Variants in UGGT2 observed in about 807,000 individuals in gnomAD.
UGGT2 encodes the protein UDP-glucose:glycoprotein glucosyltransferase 2.
In UGGT2, 180 loss-of-function variants were observed where a neutral mutation model predicts 192.1. The observed-to-expected ratio is 0.94, with a 90% confidence interval of 0.83 to 1.06. UGGT2 has a LOEUF of 1.06. Ranked by LOEUF, UGGT2 falls within the 50% of genes least tolerant of loss-of-function variation. The pLI, the probability that UGGT2 is intolerant of heterozygous loss-of-function variation, is 0.00. For missense variants in UGGT2, 1,849 were observed against 1,795.7 expected (o/e 1.03, Z -0.54); for synonymous variants, 580 against 591.0 (o/e 0.98, Z 0.27).
chr13:95,996,131 C>A lies in UGGT2; in HGVS notation c.762G>T (p.Val254=). 1 of 1,609,324 alleles carries A rather than the reference C, an allele frequency of 6.2e-7. No homozygotes were observed. The highest frequency in any genetic ancestry group is 1.1e-5 in the South Asian group (1 of 89,582). ...TCTCATCCTCTACAGTAGTATTAGTCACAGCTACATTTTGGAAACAAAACC... is the reference window on the plus strand; with the variant it reads ...TCTCATCCTCTACAGTAGTATTAGTAACAGCTACATTTTGGAAACAAAACC... ...KALDDTQVKT[V]TNTTVEDETE... The change falls in exon 7 of 39, where the codon GTG becomes GTT. Residue 254 remains valine (V), a synonymous_variant. Transcript: ENST00000376747.
At position 95,949,342 on chromosome 13, in the gene UGGT2, T is replaced by C; in HGVS notation, c.1448A>G (p.His483Arg). Residue 483 changes from histidine (H) to arginine (R), a missense_variant, in exon 13 of 39, where the codon CAT becomes CGT. His to Arg is a conservative substitution (Grantham distance 29). Transcript: ENST00000376747. ...TCAAAATATAAAACTCACCAAATTA[T>C]GAAAATTGCGCCTTATGGAAGGTAC... ...GSVPSIRRNF[H>R]NLVLFIDPAQ... 1.3e-6 allele frequency: 2 copies of C among 1,539,762 alleles called. No homozygotes were observed. Among genetic ancestry groups the C allele is most frequent in the Non-Finnish European group, 1.7e-6 (2 of 1,144,788 alleles).
intron 6 of UGGT2, among the ~76,000 whole-genome samples, chr13:95,998,294 T>C (rs1262372535): frequency 1.3e-5 from 2 of 152,220 alleles, no homozygotes; most frequent in African/African-American, 2.4e-5. Context: ...CTATCGTGAC[T>C]ACAAGAGAGT....
In UGGT2 at chr13:95,856,243, CTCTG is replaced by C. The variant is rs1474663666; in HGVS notation, c.3919_3922del (p.Gln1307GlyfsTer17). ...AAGAATTTTGTAACCCCAAATAATC[CTCTG>C]TCTTTCAGTCTGTTGACGAAGCCAA... On this transcript the variant is annotated frameshift_variant, in exon 34 of 39. Transcript: ENST00000376747. LOFTEE classifies it high-confidence loss of function. 2.5e-6 allele frequency: 4 copies of C among 1,613,500 alleles called. No individual in the cohort carries two copies. The highest frequency in any genetic ancestry group is 1.3e-5 in the African/African-American group (1 of 74,878).
At chr13:95,827,704 T>A (rs1459209690) in intron 38 of UGGT2, among the ~76,000 whole-genome samples, 1 of 152,164 alleles carries the variant, frequency 6.6e-6, no homozygotes, top group Non-Finnish European at 1.5e-5. Context: ...ACAAGAATTC[T>A]GGACAGAAGT....
chr13:95,906,643 T>A (rs1314985535), intron 20 of UGGT2, among the ~76,000 whole-genome samples: 1 of 152,204 alleles, frequency 6.6e-6, no homozygotes, highest in African/African-American at 2.4e-5. Context: ...AGGATAAATG[T>A]AAAGATATCC....
chr13:95,948,002 G>A lies in UGGT2; in HGVS notation c.1535C>T (p.Pro512Leu), dbSNP rs748931926. Residue 512 changes from proline to leucine, a missense_variant, in exon 14 of 39, where the codon CCT (proline) becomes CTT (leucine). Transcript: ENST00000376747. Reference sequence around the variant, plus strand: ...GCTATAAAATGACAATTACCTAAGAGGAACTTCGTGAGAATAGAAAACATC... The same window carrying A: ...GCTATAAAATGACAATTACCTAAGAAGAACTTCGTGAGAATAGAAAACATC... ...LADVFYSHEV[P>L]LRIGFVFILN... 3.1e-6 allele frequency: 5 copies of A among 1,611,748 alleles called. No individual in the cohort carries two copies. Among genetic ancestry groups the A allele is most frequent in the Non-Finnish European group, 4.2e-6 (5 of 1,178,552 alleles).
At chr13:95,845,331 G>T (rs569565170) in intron 36 of UGGT2, among the ~76,000 whole-genome samples, 1 of 136,978 alleles carries the variant, frequency 7.3e-6, no homozygotes, top group Non-Finnish European at 1.6e-5. Flanking sequence ...GCCGCCTTCC[G>T]CAGTGTTTGT....
intron 1 of UGGT2, among the ~76,000 whole-genome samples, chr13:96,042,787 A>C (rs1458054972): frequency 6.6e-6 from 1 of 152,084 alleles, no homozygotes; most frequent in African/African-American, 2.4e-5. Flanking sequence ...ACACGGTTTT[A>C]AAATTAACCC....
chr13:95,945,564 A>G (rs769217991), intron 15 of UGGT2, among the ~76,000 whole-genome samples: 3 of 152,122 alleles, frequency 2.0e-5, no homozygotes, highest in Non-Finnish European at 4.4e-5. Flanking sequence ...GATAAAAAAC[A>G]CTTACAAAAC....
intron 4 of UGGT2, among the ~76,000 whole-genome samples, chr13:96,021,852 A>G (rs2139113213): frequency 6.6e-6 from 1 of 152,304 alleles, no homozygotes; most frequent in Middle Eastern, 3.4e-3. Flanking sequence ...TTATTTGATA[A>G]GAGATTCAAT....
At chr13:95,954,553 C>T (rs186448089) in intron 12 of UGGT2, among the ~76,000 whole-genome samples, 1 of 152,340 alleles carries the variant, frequency 6.6e-6, no homozygotes, top group East Asian at 1.9e-4. Context: ...AAACCTTGGT[C>T]TCCACTACTG....
At chr13:95,962,195 C>A (rs2050415643) in intron 12 of UGGT2, among the ~76,000 whole-genome samples, 1 of 151,200 alleles carries the variant, frequency 6.6e-6, no homozygotes, top group South Asian at 2.1e-4. Context: ...AAGAACAAAC[C>A]CAAAATTAGC....
rs773471946 is a variant in UGGT2, at chr13:95,877,283, C to T, written c.3469G>A (p.Val1157Ile). ...QGKSEDIYQIVGHEGTDSQAD... is the reference protein window; with the variant it reads ...QGKSEDIYQIIGHEGTDSQAD... Reference sequence around the variant, plus strand: ...AAAGCAGCCTGCATAACTCACCCAACTATTTGATAAATATCTTCAGATTTT... The same window carrying T: ...AAAGCAGCCTGCATAACTCACCCAATTATTTGATAAATATCTTCAGATTTT... The change falls in exon 29 of 39, where the codon GTT (valine) becomes ATT (isoleucine). Residue 1157 changes from valine to isoleucine, a missense_variant. Val to Ile is a conservative substitution (Grantham distance 29, BLOSUM62 3). Transcript: ENST00000376747. The T allele has an allele frequency of 2.5e-5, 39 of 1,591,276 alleles. No homozygotes were observed. Among genetic ancestry groups the T allele is most frequent in the South Asian group, 1.2e-4 (10 of 85,208 alleles).
intron 15 of UGGT2, among the ~76,000 whole-genome samples, chr13:95,943,725 T>A (rs934452580): frequency 6.6e-6 from 1 of 152,036 alleles, no homozygotes; most frequent in Non-Finnish European, 1.5e-5. Flanking sequence ...TAGGCAAGTC[T>A]GGAATTTTAA....
chr13:95,908,888 T>G, intron 20 of UGGT2, among the ~76,000 whole-genome samples: 1 of 126,540 alleles, frequency 7.9e-6, no homozygotes, highest in Non-Finnish European at 1.7e-5. Context: ...TTTCTCCCAT[T>G]TTGTAGGTTG....
At chr13:95,893,811 T>C (rs1044807029) in intron 24 of UGGT2, among the ~76,000 whole-genome samples, 1 of 152,144 alleles carries the variant, frequency 6.6e-6, no homozygotes, top group African/African-American at 2.4e-5. Context: ...TCATAGAGAA[T>C]ATGGGCATAG....
chr13:95,890,738 A>G (rs1422345524), intron 25 of UGGT2, 124 bp downstream of exon 25: 1 of 745,972 alleles, frequency 1.3e-6, no homozygotes, highest in Non-Finnish European at 2.2e-6. Flanking sequence ...CTACATTGAA[A>G]TATGACACTC....
intron 36 of UGGT2, among the ~76,000 whole-genome samples, chr13:95,841,629 T>C (rs1250457310): frequency 1.3e-5 from 2 of 152,220 alleles, no homozygotes; most frequent in Admixed American, 6.5e-5. Flanking sequence ...TGCAAATATT[T>C]TGTCCCATTC....
chr13:95,939,076 A>G (rs982237264), intron 16 of UGGT2, among the ~76,000 whole-genome samples: 1 of 152,166 alleles, frequency 6.6e-6, no homozygotes, highest in African/African-American at 2.4e-5. Flanking sequence ...TGTTGTTCAC[A>G]AGACCCTGTA....
Sources: gnomAD v4.1 joint callset for allele counts (sites outside exome capture counted in the v4.1 genomes callset) on GRCh38, gnomAD v4.1.1 for gene constraint, MANE v1.5 for transcripts, NCBI Gene and HGNC (gene_info 2026-07-23, HGNC 2026-07-21) for gene names.